Variants in PRKD1 observed in about 807,000 individuals in gnomAD.
PRKD1 encodes the protein serine/threonine-protein kinase D1.
A neutral mutation model predicts 95.9 loss-of-function variants in PRKD1; 63 were observed. That is an observed-to-expected ratio of 0.66 (90% confidence interval 0.54 to 0.81). The LOEUF is 0.81. Among genes scored for constraint, PRKD1 ranks in the 30% least tolerant of loss-of-function variants. PRKD1 has a pLI of 0.00. For missense variants in PRKD1, 1,048 were observed against 1,165.3 expected, an observed-to-expected ratio of 0.90 and a Z score of 1.47; for synonymous variants, 425 against 423.1, an observed-to-expected ratio of 1.00 and a Z score of -0.05.
intron 1 of PRKD1, among the ~76,000 whole-genome samples, chr14:29,804,417 T>C (rs1271200840): frequency 6.6e-6 from 1 of 152,174 alleles, no homozygotes. Flanking sequence ...CTGACTTTTC[T>C]TAATGCTGTC....
chr14:29,627,770 C>T (rs1879721497), intron 11 of PRKD1, among the ~76,000 whole-genome samples: 1 of 152,060 alleles, frequency 6.6e-6, no homozygotes, highest in South Asian at 2.1e-4. Flanking sequence ...TTCCTTTGTT[C>T]TTCCCCCTAG....
chr14:29,660,325 C>T (rs1882122372), intron 4 of PRKD1, among the ~76,000 whole-genome samples: 1 of 152,172 alleles, frequency 6.6e-6, no homozygotes, highest in Non-Finnish European at 1.5e-5. Flanking sequence ...ACTACCTTGC[C>T]TTTACTGCGC....
At chr14:29,842,758 G>A (rs917757231) in intron 1 of PRKD1, among the ~76,000 whole-genome samples, 1 of 152,158 alleles carries the variant, frequency 6.6e-6, no homozygotes, top group Admixed American at 6.5e-5. Context: ...AAACTGATAT[G>A]TCTACAGGAT....
At chr14:29,911,571 T>C (rs1412900514) in intron 1 of PRKD1, among the ~76,000 whole-genome samples, 3 of 152,180 alleles carry the variant, frequency 2.0e-5, no homozygotes, top group African/African-American at 7.2e-5. Flanking sequence ...ATGAGCATAT[T>C]TGCTTACAGA....
chr14:29,852,058 C>A (rs901377391), intron 1 of PRKD1, among the ~76,000 whole-genome samples: 3 of 151,984 alleles, frequency 2.0e-5, no homozygotes, highest in African/African-American at 4.8e-5. Flanking sequence ...AAGATAGGAA[C>A]AACAGACACT....
At chr14:29,823,676 T>C (rs549093940) in intron 1 of PRKD1, among the ~76,000 whole-genome samples, 2 of 152,268 alleles carry the variant, frequency 1.3e-5, no homozygotes, top group Admixed American at 6.5e-5. Flanking sequence ...TTTGAAAAGC[T>C]CTTAAGTAAC....
intron 1 of PRKD1, among the ~76,000 whole-genome samples, chr14:29,817,166 C>G (rs1376989608): frequency 6.6e-6 from 1 of 152,150 alleles, no homozygotes. Flanking sequence ...TTTGAACTAA[C>G]ATAAATGTTC....
intron 1 of PRKD1, among the ~76,000 whole-genome samples, chr14:29,857,040 T>C (rs1253147422): frequency 6.6e-6 from 1 of 152,218 alleles, no homozygotes; most frequent in Non-Finnish European, 1.5e-5. Context: ...ACTAGCCCTG[T>C]AATCTGGGGC....
intron 2 of PRKD1, among the ~76,000 whole-genome samples, chr14:29,692,136 C>T (rs1389971843): frequency 6.6e-6 from 1 of 151,908 alleles, no homozygotes; most frequent in African/African-American, 2.4e-5. Context: ...TATGAGTTAC[C>T]CCCCTTATAA....
chr14:29,612,796 A>T (rs1448167891), intron 13 of PRKD1, among the ~76,000 whole-genome samples: 1 of 152,278 alleles, frequency 6.6e-6, no homozygotes, highest in Admixed American at 6.5e-5. Context: ...CTATAGAAAT[A>T]GTTTCATAAA....
In PRKD1 at chr14:29,578,543, T is replaced by TAAAAAAAA. The variant is rs992449669; in HGVS notation, c.2435-191_2435-184dup. Among the ~76,000 whole-genome samples the TAAAAAAAA allele has an allele frequency of 8.9e-4, 38 of 42,696 alleles. 1 individual carries two copies. The highest frequency in any genetic ancestry group is 2.1e-3 in the African/African-American group (28 of 13,274). The allele number at this position is 42,696 out of a possible 152,430, so 28.0% of individuals were successfully genotyped here. A position where few individuals can be genotyped will look rare whatever the true frequency, so the allele number is the denominator to read the frequency against. ...TTGGCCTTCATTTTATTTTGGATAC[T>TAAAAAAAA]AAAAAAAAAAAAAAAAAAAAAAAAA... On this transcript the variant is annotated intron_variant, in intron 16 of 17. Transcript: ENST00000331968.
intron 17 of PRKD1, among the ~76,000 whole-genome samples, chr14:29,578,058 G>A (rs1022379379): frequency 1.6e-4 from 24 of 151,880 alleles, no homozygotes; most frequent in Admixed American, 6.6e-4. Flanking sequence ...GTGTATATGC[G>A]TGCGTGTATC....
At chr14:29,834,658 G>C (rs1237055370) in intron 1 of PRKD1, among the ~76,000 whole-genome samples, 1 of 151,744 alleles carries the variant, frequency 6.6e-6, no homozygotes, top group Non-Finnish European at 1.5e-5. Context: ...TATTGATCTT[G>C]TAAGAGATAT....
chr14:29,878,552 AGAAG>A (rs1893389107), intron 1 of PRKD1, among the ~76,000 whole-genome samples: 1 of 152,230 alleles, frequency 6.6e-6, no homozygotes. Context: ...GTATATACAG[AGAAG>A]GGAGTATTAT....
At position 29,643,192 on chromosome 14, in the gene PRKD1, A is replaced by C. The variant is rs541136922; in HGVS notation, c.697-4288T>G. Among the ~76,000 whole-genome samples, 3 of 152,280 alleles carry C rather than the reference A, an allele frequency of 2.0e-5. No homozygotes were observed. The South Asian group carries it at 6.2e-4, about 32-fold the overall frequency. Reference sequence around the variant, plus strand: ...AATTGACATCACTGTAAAATATGGTAGTGAGATAGATGCATATAAATGATT... The same window carrying C: ...AATTGACATCACTGTAAAATATGGTCGTGAGATAGATGCATATAAATGATT... On this transcript the variant is annotated intron_variant, in intron 4 of 17. Transcript: ENST00000331968.
intron 4 of PRKD1, among the ~76,000 whole-genome samples, chr14:29,661,704 C>T (rs577990555): frequency 3.6e-4 from 55 of 152,220 alleles, no homozygotes; most frequent in African/African-American, 1.2e-3. Flanking sequence ...CAAATAGTGT[C>T]ACAAACATTA....
intron 2 of PRKD1, among the ~76,000 whole-genome samples, chr14:29,697,135 C>G (rs1349950848): frequency 6.7e-6 from 1 of 149,972 alleles, no homozygotes; most frequent in Non-Finnish European, 1.5e-5. Context: ...CATGCACCGA[C>G]AGTTTGTAAC....
At chr14:29,584,820 T>C (rs941559847) in intron 16 of PRKD1, among the ~76,000 whole-genome samples, 1 of 151,454 alleles carries the variant, frequency 6.6e-6, no homozygotes, top group African/African-American at 2.4e-5. Flanking sequence ...TGATGCTGAG[T>C]GTAACTGCCA....
At chr14:29,673,636 A>G (rs1882993059) in intron 2 of PRKD1, among the ~76,000 whole-genome samples, 1 of 152,268 alleles carries the variant, frequency 6.6e-6, no homozygotes, top group African/African-American at 2.4e-5. Flanking sequence ...GTGCAGGCAC[A>G]TATTAAAGTG....
Sources: gnomAD v4.1 joint callset for allele counts (sites outside exome capture counted in the v4.1 genomes callset) on GRCh38, gnomAD v4.1.1 for gene constraint, MANE v1.5 for transcripts, NCBI Gene and HGNC (gene_info 2026-07-23, HGNC 2026-07-21) for gene names.